The following MERTK variants were observed in gnomAD, a reference collection of about 807,000 sequenced individuals.
MERTK encodes the protein tyrosine-protein kinase Mer.
In MERTK, 69 loss-of-function variants were observed where a neutral mutation model predicts 99.3. The observed-to-expected ratio is 0.70, with a 90% CI of 0.57 to 0.85. The LOEUF is 0.85. MERTK is among the 40% of genes least tolerant of loss of function. The pLI is 0.00. For synonymous variants in MERTK, 426 were observed against 467.6 expected, an observed-to-expected ratio of 0.91 and a Z score of 1.15; for missense variants, 1,125 against 1,249.4, an observed-to-expected ratio of 0.90 and a Z score of 1.50.
At chr2:111,909,393 A>C (rs1684199220) in intron 1 of MERTK, among the ~76,000 whole-genome samples, 1 of 152,214 alleles carries the variant, frequency 6.6e-6, no homozygotes, top group Non-Finnish European at 1.5e-5. Flanking sequence ...AATTCTTAAC[A>C]GGCCTCATTT....
intron 1 of MERTK, among the ~76,000 whole-genome samples, chr2:111,923,454 C>T (rs964645853): frequency 6.6e-6 from 1 of 152,106 alleles, no homozygotes; most frequent in Non-Finnish European, 1.5e-5. Context: ...ATGGAGTGGC[C>T]CCTGGAGTTG....
At chr2:111,987,642 AC>A (rs1676511934) in intron 8 of MERTK, among the ~76,000 whole-genome samples, 1 of 152,030 alleles carries the variant, frequency 6.6e-6, no homozygotes, top group South Asian at 2.1e-4. Context: ...TTCCCAACCC[AC>A]CCTCATTCCC....
chr2:111,931,942 AG>A (rs1308799018), intron 2 of MERTK, among the ~76,000 whole-genome samples: 3 of 152,178 alleles, frequency 2.0e-5, no homozygotes, highest in African/African-American at 7.2e-5. Flanking sequence ...AGCTGTTCAG[AG>A]GACTTAAATT....
At chr2:112,017,220 G>T (rs1324856903) in intron 15 of MERTK, among the ~76,000 whole-genome samples, 2 of 152,124 alleles carry the variant, frequency 1.3e-5, no homozygotes, top group Admixed American at 1.3e-4. Flanking sequence ...TAGACACAGA[G>T]TGCTGATTGG....
Position 112,018,961 on chromosome 2 carries a change from A to G in MERTK, c.2080-452A>G, listed in dbSNP as rs531751214. Among the ~76,000 whole-genome samples the G allele has an allele frequency of 8.5e-5, 13 of 152,218 alleles. No individual in the cohort carries two copies. The South Asian group carries it at 2.7e-3, about 32-fold the overall frequency. On this transcript the variant is annotated intron_variant, in intron 15 of 18. Coordinates refer to ENST00000295408, the MANE Select transcript of MERTK (RefSeq NM_006343.3). ...AAATGGTAGCAGATAGGGGTGCCTA[A>G]TTGGAAACAGCTCATCCTAAGTGGA...
chr2:111,968,049 T>C (rs1573607611), intron 5 of MERTK, 88 bp from the exon 6 acceptor site: 1 of 911,596 alleles, frequency 1.1e-6, no homozygotes, highest in East Asian at 2.4e-5. Context: ...CGAAAACAGG[T>C]ATTAATGCAT....
chr2:111,955,994 G>A (rs1685141672), intron 4 of MERTK, among the ~76,000 whole-genome samples: 1 of 151,508 alleles, frequency 6.6e-6, no homozygotes, highest in African/African-American at 2.4e-5. Flanking sequence ...GGGAGGGATA[G>A]CATTAGGAGA....
In MERTK at chr2:112,028,619, G is replaced by A. The variant is rs1677518740; in HGVS notation, c.2755G>A (p.Val919Ile). The A allele has an allele frequency of 6.2e-7, 1 of 1,614,208 alleles. No homozygotes were observed. Among genetic ancestry groups the A allele is most frequent in the Admixed American group, 1.7e-5 (1 of 60,022 alleles). ...RAAISVVTAE[V>I]HDSKPHEGRY... ...TGCCATCAGTGTGGTCACAGCAGAA[G>A]TTCATGACAGCAAACCTCATGAAGG... Residue 919 changes from valine (V) to isoleucine (I), a missense_variant, in exon 19 of 19, where the codon GTT becomes ATT. Physicochemically the swap from Val to Ile is conservative, Grantham distance 29 (BLOSUM62 3). Transcript: ENST00000295408.
intron 15 of MERTK, among the ~76,000 whole-genome samples, chr2:112,016,116 T>C (rs915854771): frequency 2.0e-5 from 3 of 152,220 alleles, no homozygotes; most frequent in African/African-American, 7.2e-5. Context: ...TTGTTCTACT[T>C]TTTCAGAATT....
intron 4 of MERTK, among the ~76,000 whole-genome samples, chr2:111,948,917 G>A (rs951342172): frequency 6.6e-6 from 1 of 151,790 alleles, no homozygotes; most frequent in Non-Finnish European, 1.5e-5. Context: ...TAGGGGCTGC[G>A]TGTCCTAGCT....
At chr2:111,944,532 T>TATTCCTTAAAATAATTCCTATGTTTTA (rs1165092501) in intron 2 of MERTK, among the ~76,000 whole-genome samples, 1 of 152,176 alleles carries the variant, frequency 6.6e-6, no homozygotes, top group Non-Finnish European at 1.5e-5. Flanking sequence ...TTTAAGGAAT[T>TATTCCTTAAAATAATTCCTATGTTTTA]AGCTCACACA....
At chr2:111,961,472 A>T (rs1452224918) in intron 4 of MERTK, among the ~76,000 whole-genome samples, 2 of 152,052 alleles carry the variant, frequency 1.3e-5, no homozygotes, top group African/African-American at 4.8e-5. Context: ...TAAATTTTCA[A>T]GAGAATTTAA....
intron 1 of MERTK, among the ~76,000 whole-genome samples, chr2:111,920,484 C>T (rs1215343117): frequency 6.6e-6 from 1 of 151,978 alleles, no homozygotes; most frequent in African/African-American, 2.4e-5. Flanking sequence ...GCCCAAGGGT[C>T]ACTCCAGTGA....
At position 112,028,912 on chromosome 2, in the gene MERTK, G is replaced by C; in HGVS notation, c.*48G>C. The C allele has an allele frequency of 6.2e-7, 1 of 1,612,740 alleles. No homozygotes were observed. The highest frequency in any genetic ancestry group is 1.1e-5 in the South Asian group (1 of 90,982). ...CAAAAATCAAGCCAATTCTTCTGCT[G>C]TAGGAGAATCCAATTGTACCTGATG... is the stretch of plus-strand genomic sequence containing the variant. On this transcript the variant is annotated 3_prime_UTR_variant, in exon 19 of 19. Transcript: ENST00000295408.
intron 7 of MERTK, among the ~76,000 whole-genome samples, chr2:111,979,529 CT>C (rs921512209): frequency 8.7e-5 from 13 of 150,158 alleles, no homozygotes; most frequent in Non-Finnish European, 1.3e-4. Flanking sequence ...GGTCCTTAAA[CT>C]TTTTTTTTTC....
intron 1 of MERTK, among the ~76,000 whole-genome samples, chr2:111,903,116 C>T (rs1440109789): frequency 1.3e-5 from 2 of 151,982 alleles, no homozygotes; most frequent in Admixed American, 1.3e-4. Flanking sequence ...CACTGTCCCC[C>T]CACCACAAGG....
intron 7 of MERTK, among the ~76,000 whole-genome samples, chr2:111,981,738 T>TACACAC (rs397873336): frequency 8.0e-5 from 2 of 25,042 alleles, no homozygotes; most frequent in East Asian, 3.5e-4. Flanking sequence ...TACACTCGTG[T>TACACAC]ACACACACAC....
At chr2:111,963,512 T>C (rs1033285216) in intron 4 of MERTK, among the ~76,000 whole-genome samples, 1 of 152,218 alleles carries the variant, frequency 6.6e-6, no homozygotes, top group Admixed American at 6.5e-5. Context: ...CCCTGCGGCC[T>C]TCCGCAGTGT....
intron 2 of MERTK, among the ~76,000 whole-genome samples, chr2:111,938,852 G>A (rs138245041): frequency 3.3e-5 from 5 of 152,268 alleles, no homozygotes; most frequent in African/African-American, 9.6e-5. Context: ...TCTTTCCAGA[G>A]ATATTCAATC....
Sources: gnomAD v4.1 joint callset for allele counts (sites outside exome capture counted in the v4.1 genomes callset) on GRCh38, gnomAD v4.1.1 for gene constraint, MANE v1.5 for transcripts, NCBI Gene and HGNC (gene_info 2026-07-23, HGNC 2026-07-21) for gene names.